The following PDHA1 variants were observed in gnomAD, a reference collection of about 807,000 sequenced individuals.
PDHA1 encodes pyruvate dehydrogenase E1 subunit alpha 1, also known as pyruvate dehydrogenase E1 component subunit alpha, somatic form, mitochondrial.
Under a neutral mutation model 33.0 loss-of-function variants are expected in PDHA1, and 1 was observed. The observed-to-expected ratio is 0.03, with a 90% CI of 0.01 to 0.14. The LOEUF is 0.14. Among genes scored for constraint, PDHA1 ranks in the 10% least tolerant of loss-of-function variants. The probability of loss-of-function intolerance (pLI) is 1.00; values close to 1 mark genes in which losing one functional copy is unlikely to be tolerated. For synonymous variants in PDHA1, 123 were observed against 119.2 expected (o/e 1.03, Z -0.21); for missense variants, 168 against 325.1 (o/e 0.52, Z 3.72).
chrX:19,351,328 T>C lies in PDHA1; in HGVS notation c.339T>C (p.His113=). Residue 113 remains histidine, a synonymous_variant, in exon 4 of 11, where the codon CAT becomes CAC. Transcript: ENST00000422285. The part of the protein sequence containing the change: ...GLEAGINPTD[H]LITAYRAHGF... ...AGGCCGGCATCAACCCCACAGACCATCTCATCACAGCCTACCGGGCTCACG... is the reference window on the plus strand; with the variant it reads ...AGGCCGGCATCAACCCCACAGACCACCTCATCACAGCCTACCGGGCTCACG... 2 of 1,206,503 alleles carry C rather than the reference T, an allele frequency of 1.7e-6. No individual in the cohort carries two copies. The highest frequency in any genetic ancestry group is 2.2e-6 in the Non-Finnish European group (2 of 890,833).
rs111666443 is a variant in PDHA1 at position 19,359,692 on chromosome X, C to T, written c.*39C>T. 4 of 1,126,086 alleles carry T rather than the reference C, an allele frequency of 3.6e-6. No individual in the cohort carries two copies. The highest frequency in any genetic ancestry group is 3.6e-5 in the African/African-American group (2 of 55,464). The allele number at this position is 1,126,086 out of a possible 1,213,427, so 92.8% of individuals were successfully genotyped here. ...AGAGGTTATACCTTCAGGGGGCTAC[C>T]AGACAGTGTTCTCAACTTGGTTAAG... On this transcript the variant is annotated 3_prime_UTR_variant, in exon 11 of 11. Coordinates refer to ENST00000422285, the MANE Select transcript of PDHA1 (RefSeq NM_000284.4).
Position 19,349,388 on chromosome X carries a change from T to C in PDHA1, c.117+17T>C, listed in dbSNP as rs780183383. 9.6e-7 allele frequency: 1 copy of C among 1,043,869 alleles called. No individual in the cohort carries two copies. 86.0% of individuals were successfully genotyped at this position (1,043,869 alleles called of 1,213,427 possible). On this transcript the variant is annotated intron_variant, in intron 2 of 10. Coordinates refer to ENST00000422285, the MANE Select transcript of PDHA1 (RefSeq NM_000284.4). Reference sequence around the variant, plus strand: ...GAAATTAAGGTAAGAGGTGTTTTACTTTGTTAATAATTTTTTCACAGGTAC... The same window carrying C: ...GAAATTAAGGTAAGAGGTGTTTTACCTTGTTAATAATTTTTTCACAGGTAC...
intron 8 of PDHA1, chrX:19,357,296 A>T (rs148552862): frequency 0.015 from 3,739 of 243,711 alleles, 149 homozygotes; most frequent in African/African-American, 0.1. Context: ...GGGTTTTGCC[A>T]TGTTGTCCAG....
At position 19,349,920 on chromosome X, in the gene PDHA1, A is replaced by G. The variant is rs749601456; in HGVS notation, c.118-17A>G. On this transcript the variant is annotated splice_polypyrimidine_tract_variant and intron_variant, in intron 2 of 10. Coordinates refer to ENST00000422285, the MANE Select transcript of PDHA1 (RefSeq NM_000284.4). ...ATGTAGTATGTGGAGGATAATAACT[A>G]CCTTATTCCATTTCAGAAATGTGAC... 46 of 1,187,027 alleles carry G rather than the reference A, an allele frequency of 3.9e-5. No homozygotes were observed. Among genetic ancestry groups the G allele is most frequent in the Middle Eastern group, 4.6e-4 (2 of 4,307 alleles).
chrX:19,350,719 T>C (rs2063158579), intron 3 of PDHA1, among the ~76,000 whole-genome samples: 1 of 112,688 alleles, frequency 8.9e-6, no homozygotes, highest in African/African-American at 3.2e-5. Context: ...TCGCCTGTAC[T>C]GTATATAATT....
rs186029731 is a variant in PDHA1, at chrX:19,345,753, C to T, written c.57+1659C>T. ...TGTATCAGTTTGCAGGGTCCCCCCC[C>T]CCCCGCCACCTTACAGTAGGAAGAA... On this transcript the variant is annotated intron_variant, in intron 1 of 10. Transcript: ENST00000422285. 3.0e-3 allele frequency: 812 copies of T among 268,412 alleles called. 40 individuals carry two copies. The highest frequency in any genetic ancestry group is 0.023 in the African/African-American group (730 of 31,225). 22.1% of individuals were successfully genotyped at this position (268,412 alleles called of 1,213,427 possible).
rs754393427 is a variant in PDHA1, at chrX:19,346,494, A to ATT, written c.57+2409_57+2410dup. On this transcript the variant is annotated intron_variant, in intron 1 of 10. Coordinates refer to ENST00000422285, the MANE Select transcript of PDHA1 (RefSeq NM_000284.4). ...CCACCACACCCAGCCAATTAAAAAAATTTTTTTTTTACTAGAGACATGGTC... is the reference window on the plus strand; with the variant it reads ...CCACCACACCCAGCCAATTAAAAAAATTTTTTTTTTTTACTAGAGACATGGTC... The ATT allele has an allele frequency of 1.2e-5, 5 of 416,033 alleles. No individual in the cohort carries two copies. In the South Asian group the frequency reaches 1.7e-4, roughly 14 times the overall value. 34.3% of individuals were successfully genotyped at this position (416,033 alleles called of 1,213,427 possible).
At position 19,346,287 on chromosome X, in the gene PDHA1, C is replaced by T. The variant is rs746306110; in HGVS notation, c.57+2193C>T. On this transcript the variant is annotated intron_variant, in intron 1 of 10. Coordinates refer to ENST00000422285, the MANE Select transcript of PDHA1 (RefSeq NM_000284.4). ...AGATAATCCCCTTAACCTCCCAAGA[C>T]GCTGTGTGTTTTTTCCTTTTTTATT... is the stretch of plus-strand genomic sequence containing the variant. Among the ~76,000 whole-genome samples the T allele has an allele frequency of 1.7e-3, 191 of 111,494 alleles. 1 individual carries two copies. Among genetic ancestry groups the T allele is most frequent in the African/African-American group, 5.4e-3 (165 of 30,669 alleles).
At chrX:19,356,941 C>T (rs763615539) in intron 8 of PDHA1, among the ~76,000 whole-genome samples, 2 of 111,773 alleles carry the variant, frequency 1.8e-5, no homozygotes, top group African/African-American at 3.3e-5. Flanking sequence ...AATGAGCGAG[C>T]CCAACTGTCC....
At chrX:19,347,498 C>T (rs780040530) in intron 1 of PDHA1, among the ~76,000 whole-genome samples, 31 of 112,687 alleles carry the variant, frequency 2.8e-4, no homozygotes, top group South Asian at 1.1e-3. Context: ...AGATTACAGG[C>T]GCATGCCACA....
chrX:19,354,050 A>G (rs1307107909), intron 5 of PDHA1, among the ~76,000 whole-genome samples: 2 of 111,207 alleles, frequency 1.8e-5, no homozygotes, highest in African/African-American at 3.3e-5. Flanking sequence ...GGTTCAAGCA[A>G]TTCTCCTGCC....
chrX:19,356,387 T>C (rs1245657870), intron 8 of PDHA1, among the ~76,000 whole-genome samples: 1 of 111,744 alleles, frequency 8.9e-6, no homozygotes, highest in Non-Finnish European at 1.9e-5. Context: ...CGCCATACCA[T>C]GTACGTTTAG....
At chrX:19,348,032 C>T (rs918637568) in intron 1 of PDHA1, among the ~76,000 whole-genome samples, 7 of 112,522 alleles carry the variant, frequency 6.2e-5, no homozygotes, top group Non-Finnish European at 1.1e-4. Context: ...TCAGTCTTAA[C>T]TCTTCTCACC....
At chrX:19,352,963 C>G (rs964704085) in intron 4 of PDHA1, 119 bp from the exon 5 acceptor site, 1 of 600,839 alleles carries the variant, frequency 1.7e-6, no homozygotes, top group Non-Finnish European at 2.9e-6. Flanking sequence ...GGTACTTAGA[C>G]GACTGAACTG....
In PDHA1 at chrX:19,359,714, T is replaced by TGG; in HGVS notation, c.*61_*62insGG. ...TACCAGACAGTGTTCTCAACTTGGT[T>TGG]AAGGAGGAAGAAAACCCAGTCAATG... On this transcript the variant is annotated 3_prime_UTR_variant, in exon 11 of 11. Transcript: ENST00000422285. The TGG allele has an allele frequency of 9.6e-7, 1 of 1,046,216 alleles. No homozygotes were observed. Among genetic ancestry groups the TGG allele is most frequent in the Non-Finnish European group, 1.3e-6 (1 of 745,991 alleles). The allele number at this position is 1,046,216 out of a possible 1,213,427, so 86.2% of individuals were successfully genotyped here.
intron 2 of PDHA1, 47 bp from the exon 3 acceptor site, chrX:19,349,886 GTGTT>G (rs1395912218): frequency 3.9e-6 from 4 of 1,019,974 alleles, no homozygotes; most frequent in Non-Finnish European, 5.5e-6. Context: ...GTGGTCAACA[GTGTT>G]TGCAATGTAG....
At chrX:19,352,993 T>G in intron 4 of PDHA1, 89 bp from the exon 5 acceptor site, 1 of 722,063 alleles carries the variant, frequency 1.4e-6, no homozygotes, top group Non-Finnish European at 2.2e-6. Flanking sequence ...TTCTAATGGT[T>G]GAGCCTCAGA....
chrX:19,346,673 GTGTT>G (rs1215006075), intron 1 of PDHA1: 2 of 853,530 alleles, frequency 2.3e-6, no homozygotes, highest in Non-Finnish European at 3.0e-6. Flanking sequence ...TCATCAAAGA[GTGTT>G]TGGTGTGAAA....
At position 19,360,688 on chromosome X, in the gene PDHA1, A is replaced by C; in HGVS notation, c.*1035A>C. 1.1e-6 allele frequency: 1 copy of C among 904,912 alleles called. No homozygotes were observed. The highest frequency in any genetic ancestry group is 2.4e-5 in the Admixed American group (1 of 42,082). 74.6% of individuals were successfully genotyped at this position (904,912 alleles called of 1,213,427 possible). A position where few individuals can be genotyped will look rare whatever the true frequency, so the allele number is the denominator to read the frequency against. On this transcript the variant is annotated 3_prime_UTR_variant, in exon 11 of 11. Transcript: ENST00000422285. ...CAGCGGAATTCGTGTATACACTAACAGAAGCTTTAACAAAACATGTAGCGT... is the reference window on the plus strand; with the variant it reads ...CAGCGGAATTCGTGTATACACTAACCGAAGCTTTAACAAAACATGTAGCGT...
Sources: gnomAD v4.1 joint callset for allele counts (sites outside exome capture counted in the v4.1 genomes callset) on GRCh38, gnomAD v4.1.1 for gene constraint, MANE v1.5 for transcripts, NCBI Gene and HGNC (gene_info 2026-07-23, HGNC 2026-07-21) for gene names.